Variants in EAPP observed in about 807,000 individuals in gnomAD.
EAPP encodes the protein E2F-associated phosphoprotein.
EAPP carries 38 observed loss-of-function variants against 34.3 expected under a neutral mutation model. The observed-to-expected ratio is 1.11, with a 90% CI of 0.85 to 1.45. EAPP has a LOEUF of 1.45. Among genes scored for constraint, EAPP ranks in the 40% most tolerant of loss-of-function variants. EAPP has a pLI of 0.00. For synonymous variants in EAPP, 113 were observed against 117.6 expected, an observed-to-expected ratio of 0.96 and a Z score of 0.25; for missense variants, 338 against 343.7, an observed-to-expected ratio of 0.98 and a Z score of 0.13.
At chr14:34,516,784 G>T (rs897058328) in intron 5 of EAPP, among the ~76,000 whole-genome samples, 198 bp from the exon 6 acceptor site, 4 of 152,094 alleles carry the variant, frequency 2.6e-5, no homozygotes, top group African/African-American at 9.7e-5. Context: ...GCTCACTGCA[G>T]CCTTGAACTC....
intron 2 of EAPP, 40 bp from the exon 3 acceptor site, chr14:34,533,579 C>T (rs1480027267): frequency 8.7e-6 from 12 of 1,380,332 alleles, no homozygotes; most frequent in Non-Finnish European, 1.2e-5. Flanking sequence ...CTAAATCATA[C>T]ATAATTCACA....
chr14:34,523,136 CTGGTGG>C (rs1486280339), intron 5 of EAPP, among the ~76,000 whole-genome samples: 4 of 151,816 alleles, frequency 2.6e-5, no homozygotes. Flanking sequence ...ATCTGGGATA[CTGGTGG>C]TGATAGCTTC....
chr14:34,521,751 C>T (rs1879927135), intron 5 of EAPP, among the ~76,000 whole-genome samples: 1 of 151,482 alleles, frequency 6.6e-6, no homozygotes, highest in Non-Finnish European at 1.5e-5. Flanking sequence ...TCTCCTGCCT[C>T]AGCCTCCCGA....
chr14:34,537,803 G>A (rs1186035858), intron 1 of EAPP, among the ~76,000 whole-genome samples: 1 of 152,190 alleles, frequency 6.6e-6, no homozygotes, highest in East Asian at 1.9e-4. Flanking sequence ...TGCTTGCTGT[G>A]CTATGTGTAG....
At chr14:34,522,519 T>C (rs1275063376) in intron 5 of EAPP, among the ~76,000 whole-genome samples, 1 of 152,156 alleles carries the variant, frequency 6.6e-6, no homozygotes, top group African/African-American at 2.4e-5. Flanking sequence ...GAAGGATTAG[T>C]TATTTGTTCC....
At chr14:34,524,877 C>T in intron 4 of EAPP, 70 bp from the exon 5 acceptor site, 1 of 1,241,526 alleles carries the variant, frequency 8.1e-7, no homozygotes, top group Non-Finnish European at 1.2e-6. Context: ...TGTCATTTTC[C>T]AATAAAAAGA....
At chr14:34,534,769 A>G (rs148244024) in intron 2 of EAPP, among the ~76,000 whole-genome samples, 4,081 of 152,210 alleles carry the variant, frequency 0.027, 72 homozygotes, top group Middle Eastern at 0.082. Context: ...TGGGAGGCCA[A>G]TGCAGGAAGA....
In EAPP at chr14:34,519,068, C is replaced by G. The variant is rs868194190; in HGVS notation, c.582-2482G>C. 5.9e-5 allele frequency among the ~76,000 whole-genome samples: 9 copies of G among 152,234 alleles called. No homozygotes were observed. In the Middle Eastern group the frequency reaches 0.01, roughly 173 times the overall value. On this transcript the variant is annotated intron_variant, in intron 5 of 5. Transcript: ENST00000250454. ...TAATCTCCAATGTTGGAGGTGGGAC[C>G]TGGTGGGAGGTGACTAGATCTTGGG...
At chr14:34,517,056 G>T (rs1244437384) in intron 5 of EAPP, among the ~76,000 whole-genome samples, 1 of 151,212 alleles carries the variant, frequency 6.6e-6, no homozygotes, top group Non-Finnish European at 1.5e-5. Flanking sequence ...TCCTGCCTCA[G>T]CCTCCCGAGT....
At chr14:34,529,208 AACT>A (rs1880196437) in intron 4 of EAPP, 147 bp downstream of exon 4, 2 of 583,140 alleles carry the variant, frequency 3.4e-6, no homozygotes, top group African/African-American at 2.0e-5. Flanking sequence ...TTTCAAAATA[AACT>A]ACTGAGCAGT....
chr14:34,518,010 T>G (rs1043344734), intron 5 of EAPP, among the ~76,000 whole-genome samples: 1 of 152,032 alleles, frequency 6.6e-6, no homozygotes, highest in African/African-American at 2.4e-5. Context: ...CCTGACCTCG[T>G]GATCTGCCTG....
chr14:34,516,604 T>C lies in EAPP; in HGVS notation c.582-18A>G, dbSNP rs372352747. On this transcript the variant is annotated intron_variant, in intron 5 of 5. Transcript: ENST00000250454. Reference sequence around the variant, plus strand: ...ATTCATGCCTAAGAGAAAAATGAAATGGAGAATTGGGGTTTATGTTCTATG... The same window carrying C: ...ATTCATGCCTAAGAGAAAAATGAAACGGAGAATTGGGGTTTATGTTCTATG... 10 of 1,592,704 alleles carry C rather than the reference T, an allele frequency of 6.3e-6. No homozygotes were observed. Among genetic ancestry groups the C allele is most frequent in the Non-Finnish European group, 8.5e-6 (10 of 1,171,742 alleles).
At chr14:34,522,711 G>A (rs751027642) in intron 5 of EAPP, among the ~76,000 whole-genome samples, 1 of 152,182 alleles carries the variant, frequency 6.6e-6, no homozygotes, top group Non-Finnish European at 1.5e-5. Flanking sequence ...CGTGCTGCCT[G>A]TTCCAAATGA....
In EAPP at chr14:34,520,035, G is replaced by A. The variant is rs74545073; in HGVS notation, c.582-3449C>T. On this transcript the variant is annotated intron_variant, in intron 5 of 5. Transcript: ENST00000250454. ...GAGTAAGCTTGGATTACAGGTGTCC[G>A]CCACGACTTCCGGCTAATTTTTTAT... Among the ~76,000 whole-genome samples the A allele has an allele frequency of 0.014, 2,080 of 150,962 alleles. 132 individuals carry two copies. In the East Asian group the frequency reaches 0.18, roughly 13 times the overall value.
intron 1 of EAPP, among the ~76,000 whole-genome samples, chr14:34,538,322 T>C (rs1200978183): frequency 6.6e-6 from 1 of 152,160 alleles, no homozygotes; most frequent in East Asian, 1.9e-4. Context: ...GAGGCTACAG[T>C]GAGCCAAGAT....
chr14:34,516,714 C>G, intron 5 of EAPP, 128 bp from the exon 6 acceptor site: 1 of 945,484 alleles, frequency 1.1e-6, no homozygotes, highest in East Asian at 2.6e-5. Flanking sequence ...AGGAACAAAA[C>G]AGCAAGTTTA....
rs71453625 is a variant in EAPP, at chr14:34,523,239, C to CTT, written c.581+1456_581+1457dup. On this transcript the variant is annotated intron_variant, in intron 5 of 5. Transcript: ENST00000250454. ...TGCTATTTTGCACTAGAAAAGATACCTTTTTTTTTTTTTTTTGAGACGGAG... is the reference window on the plus strand; with the variant it reads ...TGCTATTTTGCACTAGAAAAGATACCTTTTTTTTTTTTTTTTTTGAGACGGAG... Among the ~76,000 whole-genome samples, 140 of 137,382 alleles carry CTT rather than the reference C, an allele frequency of 1.0e-3. 3 individuals are homozygous for CTT. The highest frequency in any genetic ancestry group is 1.7e-3 in the Admixed American group (22 of 13,216). The allele number at this position is 137,382 out of a possible 152,430, so 90.1% of individuals were successfully genotyped here.
intron 5 of EAPP, among the ~76,000 whole-genome samples, chr14:34,520,492 G>C (rs1272937834): frequency 6.7e-6 from 1 of 149,674 alleles, no homozygotes; most frequent in African/African-American, 2.5e-5. Flanking sequence ...TTACAGGCAT[G>C]AGCCACCACA....
chr14:34,522,679 C>G (rs1344719037), intron 5 of EAPP, among the ~76,000 whole-genome samples: 1 of 152,134 alleles, frequency 6.6e-6, no homozygotes, highest in Non-Finnish European at 1.5e-5. Context: ...CACTTTAAGC[C>G]TCAGTTCTAG....
Sources: allele counts gnomAD v4.1 joint callset (sites outside exome capture counted in the v4.1 genomes callset), GRCh38; gene constraint gnomAD v4.1.1; transcripts MANE v1.5; gene names NCBI Gene and HGNC (gene_info 2026-07-23, HGNC 2026-07-21).